The following MAST2 variants were observed in gnomAD, a reference collection of about 807,000 sequenced individuals.
The protein encoded by MAST2 is microtubule-associated serine/threonine-protein kinase 2.
Under a neutral mutation model 147.4 loss-of-function variants are expected in MAST2, and 70 were observed. The observed-to-expected ratio is 0.47, with a 90% CI of 0.39 to 0.58. The LOEUF is 0.58. Among genes scored for constraint, MAST2 ranks in the 20% least tolerant of loss-of-function variants. The pLI is 0.00. For missense variants in MAST2, 2,080 were observed against 2,302.3 expected (o/e 0.90, Z 1.98); for synonymous variants, 869 against 896.8 (o/e 0.97, Z 0.55).
At position 45,929,972 on chromosome 1, in the gene MAST2, C is replaced by T. The variant is rs114702618; in HGVS notation, c.501-29414C>T. Among the ~76,000 whole-genome samples the T allele has an allele frequency of 2.7e-3, 415 of 152,286 alleles. 7 individuals carry two copies. The highest frequency in any genetic ancestry group is 9.6e-3 in the African/African-American group (399 of 41,564). On this transcript the variant is annotated intron_variant, in intron 4 of 28. Transcript: ENST00000361297. ...CAGTTTAAGATAATGTCTATTTGCA[C>T]ACAGCCTTGCCAACAATATGATTGT...
chr1:45,854,725 C>T (rs796884503), intron 3 of MAST2, among the ~76,000 whole-genome samples: 50 of 152,168 alleles, frequency 3.3e-4, no homozygotes, highest in African/African-American at 1.1e-3. Context: ...TTTCCCTGTA[C>T]ACCAAACAGC....
At chr1:45,857,240 T>C (rs571644537) in intron 3 of MAST2, among the ~76,000 whole-genome samples, 2 of 152,328 alleles carry the variant, frequency 1.3e-5, no homozygotes, top group East Asian at 3.9e-4. Context: ...ACTTAATTTG[T>C]AAATCAATGA....
At chr1:45,905,745 C>T (rs1441724007) in intron 4 of MAST2, among the ~76,000 whole-genome samples, 1 of 150,152 alleles carries the variant, frequency 6.7e-6, no homozygotes, top group Non-Finnish European at 1.5e-5. Flanking sequence ...CACTGCACTG[C>T]AGCCTGGGAG....
intron 3 of MAST2, among the ~76,000 whole-genome samples, chr1:45,833,338 A>G (rs1053043321): frequency 8.5e-5 from 13 of 152,156 alleles, no homozygotes; most frequent in Admixed American, 5.2e-4. Flanking sequence ...GTATCATTAT[A>G]TGTGCCTAGG....
intron 8 of MAST2, among the ~76,000 whole-genome samples, chr1:46,007,856 G>C (rs1645551109): frequency 6.6e-6 from 1 of 152,156 alleles, no homozygotes; most frequent in Admixed American, 6.5e-5. Context: ...GCTGCAGCTA[G>C]TTTGGAAAAA....
intron 3 of MAST2, among the ~76,000 whole-genome samples, chr1:45,846,189 A>C (rs1466162893): frequency 2.0e-5 from 3 of 152,206 alleles, no homozygotes; most frequent in Non-Finnish European, 4.4e-5. Flanking sequence ...AGTGTATACA[A>C]ATTTTTTATC....
intron 3 of MAST2, among the ~76,000 whole-genome samples, chr1:45,857,739 A>C (rs1418533809): frequency 1.3e-5 from 2 of 150,970 alleles, no homozygotes; most frequent in African/African-American, 4.9e-5. Flanking sequence ...TCCTAATGCT[A>C]TCCCTCTCCC....
intron 4 of MAST2, among the ~76,000 whole-genome samples, chr1:45,945,954 T>C (rs972895945): frequency 6.6e-6 from 1 of 152,220 alleles, no homozygotes; most frequent in African/African-American, 2.4e-5. Context: ...GTGTACTCCA[T>C]TCAGAGAAAA....
chr1:45,895,132 C>G (rs1648526426), intron 4 of MAST2, among the ~76,000 whole-genome samples: 1 of 152,142 alleles, frequency 6.6e-6, no homozygotes, highest in Non-Finnish European at 1.5e-5. Flanking sequence ...TTAGCTTTGC[C>G]TGTGGTAGAA....
At chr1:45,966,432 A>C (rs531348508) in intron 5 of MAST2, among the ~76,000 whole-genome samples, 1,847 of 151,874 alleles carry the variant, frequency 0.012, 17 homozygotes, top group East Asian at 0.027. Context: ...TAAAAAAAAA[A>C]AAAAAAAAAA....
At chr1:45,915,857 A>G (rs187328244) in intron 4 of MAST2, among the ~76,000 whole-genome samples, 1 of 152,344 alleles carries the variant, frequency 6.6e-6, no homozygotes, top group East Asian at 1.9e-4. Flanking sequence ...ATTCAGGTTA[A>G]CAAGTAAGTG....
chr1:45,968,873 G>A (rs1200530087), intron 5 of MAST2, among the ~76,000 whole-genome samples: 1 of 112,782 alleles, frequency 8.9e-6, no homozygotes, highest in Non-Finnish European at 1.9e-5. Context: ...ATGTTCTGGT[G>A]TTGGTTTTTT....
chr1:45,815,023 C>G (rs1323032329), intron 1 of MAST2, among the ~76,000 whole-genome samples: 1 of 152,050 alleles, frequency 6.6e-6, no homozygotes, highest in Admixed American at 6.6e-5. Flanking sequence ...TTAGGTGATA[C>G]CATCTTAGTT....
intron 3 of MAST2, among the ~76,000 whole-genome samples, chr1:45,879,561 A>G (rs1646753408): frequency 8.2e-6 from 1 of 122,440 alleles, no homozygotes; most frequent in Non-Finnish European, 1.7e-5. Context: ...TGACAGAGCG[A>G]GACTCCATCT....
At position 45,865,424 on chromosome 1, in the gene MAST2, G is replaced by A. The variant is rs571335317; in HGVS notation, c.469-16940G>A. Among the ~76,000 whole-genome samples, 5 of 152,278 alleles carry A rather than the reference G, an allele frequency of 3.3e-5. No homozygotes were observed. In the East Asian group the frequency reaches 9.6e-4, roughly 29 times the overall value. The stretch of plus-strand genomic sequence containing the variant: ...GATACAAGCCTAATTTAGAACATTA[G>A]ACATTACTGCTGACAGATTGTTTAC... On this transcript the variant is annotated intron_variant, in intron 3 of 28. Transcript: ENST00000361297.
At chr1:45,864,990 A>C (rs796546543) in intron 3 of MAST2, 38 of 396,278 alleles carry the variant, frequency 9.6e-5, no homozygotes, top group African/African-American at 7.3e-4. Flanking sequence ...GGTTTAGTGG[A>C]ACAGTGGGTT....
intron 5 of MAST2, among the ~76,000 whole-genome samples, chr1:45,994,654 T>TTA (rs1162667219): frequency 1.3e-5 from 2 of 151,846 alleles, no homozygotes; most frequent in African/African-American, 4.8e-5. Context: ...CCATCCTGAG[T>TTA]TATATCATTA....
chr1:46,029,631 T>A, intron 19 of MAST2, 64 bp downstream of exon 19: 1 of 1,506,054 alleles, frequency 6.6e-7, no homozygotes, highest in Non-Finnish European at 9.1e-7. Flanking sequence ...CTGAGTCATG[T>A]ACCCTGGAGG....
chr1:45,861,628 T>C (rs12565683), intron 3 of MAST2, among the ~76,000 whole-genome samples: 151,856 of 152,106 alleles, frequency 1, 75,807 homozygotes, highest in Middle Eastern at 1. Context: ...TCAATCCCCT[T>C]CCTTCCTTTT....
Sources: gnomAD v4.1 joint callset for allele counts (sites outside exome capture counted in the v4.1 genomes callset) on GRCh38, gnomAD v4.1.1 for gene constraint, MANE v1.5 for transcripts, NCBI Gene and HGNC (gene_info 2026-07-23, HGNC 2026-07-21) for gene names.